The following PLD5 variants were observed in gnomAD, a reference collection of about 807,000 sequenced individuals.
PLD5 encodes inactive phospholipase D5.
PLD5 carries 36 observed loss-of-function variants against 61.1 expected under a neutral mutation model. That is an observed-to-expected ratio of 0.59 (90% CI 0.45 to 0.78). The LOEUF (loss-of-function observed/expected upper bound fraction) is 0.78. PLD5 is among the 30% of genes least tolerant of loss of function. The pLI is 0.00. For missense variants in PLD5, 515 were observed against 644.4 expected (o/e 0.80, Z 2.17); for synonymous variants, 243 against 242.8 (o/e 1.00, Z -0.01).
intron 1 of PLD5, among the ~76,000 whole-genome samples, chr1:242,503,261 G>A (rs1346857141): frequency 6.6e-6 from 1 of 152,106 alleles, no homozygotes; most frequent in African/African-American, 2.4e-5. Context: ...CACTGGTGAT[G>A]AGTGAGATCA....
intron 4 of PLD5, among the ~76,000 whole-genome samples, chr1:242,260,951 A>T (rs530204999): frequency 6.6e-6 from 1 of 152,250 alleles, no homozygotes; most frequent in Non-Finnish European, 1.5e-5. Context: ...AAAAGATTCA[A>T]TATTGTCCAT....
At chr1:242,505,452 G>T (rs1668689960) in intron 1 of PLD5, among the ~76,000 whole-genome samples, 1 of 152,110 alleles carries the variant, frequency 6.6e-6, no homozygotes, top group Non-Finnish European at 1.5e-5. Flanking sequence ...ATTCACAATA[G>T]CCAAGTTCTG....
intron 9 of PLD5, among the ~76,000 whole-genome samples, chr1:242,095,160 CTCCTGACCTTGTGA>C (rs1372624800): frequency 1.3e-5 from 2 of 151,894 alleles, no homozygotes; most frequent in Non-Finnish European, 2.9e-5. Context: ...TGGTCTCTAT[CTCCTGACCTTGTGA>C]TCCACCCACC....
intron 1 of PLD5, among the ~76,000 whole-genome samples, chr1:242,476,835 A>G (rs1667611133): frequency 1.3e-5 from 2 of 152,294 alleles, no homozygotes; most frequent in South Asian, 4.1e-4. Context: ...ACACTTGTCC[A>G]CTACTGCAGT....
At chr1:242,391,127 G>A (rs1239030490) in intron 1 of PLD5, among the ~76,000 whole-genome samples, 2 of 152,120 alleles carry the variant, frequency 1.3e-5, no homozygotes, top group South Asian at 2.1e-4. Flanking sequence ...CCCGGGAGGC[G>A]GAGCTTGCAG....
At chr1:242,521,571 C>A (rs1326466487) in intron 1 of PLD5, among the ~76,000 whole-genome samples, 1 of 108,002 alleles carries the variant, frequency 9.3e-6, no homozygotes, top group Non-Finnish European at 2.2e-5. Context: ...TTTAAAGCAC[C>A]AGCAAAATAA....
intron 1 of PLD5, among the ~76,000 whole-genome samples, chr1:242,428,599 G>A (rs537300771): frequency 6.6e-6 from 1 of 152,064 alleles, no homozygotes; most frequent in Non-Finnish European, 1.5e-5. Flanking sequence ...CCAGCTGCAG[G>A]TTATCTATTC....
chr1:242,217,844 T>C (rs1363973150), intron 5 of PLD5, among the ~76,000 whole-genome samples: 3 of 152,158 alleles, frequency 2.0e-5, no homozygotes, highest in East Asian at 1.9e-4. Flanking sequence ...AAAACTTGAA[T>C]GTATGAGGAG....
chr1:242,122,298 CTCTT>C (rs1189905402), intron 6 of PLD5, among the ~76,000 whole-genome samples: 2 of 152,108 alleles, frequency 1.3e-5, no homozygotes, highest in Non-Finnish European at 2.9e-5. Flanking sequence ...AAAAAACTGA[CTCTT>C]TCCCTGTTTA....
At position 242,377,101 on chromosome 1, in the gene PLD5, C is replaced by A; in HGVS notation, c.190-28859G>T. The stretch of plus-strand genomic sequence containing the variant: ...CTGGGTTTGTTCTCCTGTTGGTTAT[C>A]TTCCCCAGCCCCATTTTGCTTGGAC... On this transcript the variant is annotated intron_variant, in intron 1 of 9. Transcript: ENST00000536534. 4.3e-6 allele frequency: 7 copies of A among 1,611,754 alleles called. No homozygotes were observed. The South Asian group carries it at 7.7e-5, about 18-fold the overall frequency.
At chr1:242,377,511 G>A (rs1288629469) in intron 1 of PLD5, 1 of 622,426 alleles carries the variant, frequency 1.6e-6, no homozygotes, top group East Asian at 2.7e-5. Flanking sequence ...AAAAGCCTCT[G>A]AGGTTGGACG....
At chr1:242,496,517 G>T (rs1194308041) in intron 1 of PLD5, among the ~76,000 whole-genome samples, 4 of 152,130 alleles carry the variant, frequency 2.6e-5, no homozygotes, top group African/African-American at 9.7e-5. Context: ...AGCATTTCTG[G>T]ATAGATTCAC....
intron 5 of PLD5, among the ~76,000 whole-genome samples, chr1:242,188,030 A>C (rs1351394023): frequency 6.6e-6 from 1 of 151,962 alleles, no homozygotes; most frequent in Non-Finnish European, 1.5e-5. Flanking sequence ...CATGATTAAC[A>C]AGGAGGGACT....
chr1:242,163,142 C>A (rs376791761), intron 5 of PLD5, among the ~76,000 whole-genome samples: 22,674 of 131,126 alleles, frequency 0.17, 2,096 homozygotes, highest in Non-Finnish European at 0.22. Context: ...ATTTTCTTTT[C>A]TTTTCTTTCT....
intron 2 of PLD5, among the ~76,000 whole-genome samples, chr1:242,338,928 TATTAAC>T: frequency 6.6e-6 from 1 of 152,332 alleles, no homozygotes; most frequent in African/African-American, 2.4e-5. Context: ...TTCCAGTTAT[TATTAAC>T]AGTTTATTCA....
chr1:242,254,511 A>T (rs113699175), intron 4 of PLD5, among the ~76,000 whole-genome samples: 1 of 152,172 alleles, frequency 6.6e-6, no homozygotes, highest in African/African-American at 2.4e-5. Context: ...CTCTACCAAA[A>T]ATACAAAAAT....
Position 242,196,651 on chromosome 1 carries a change from ACT to A in PLD5, c.735+23335_735+23336del, listed in dbSNP as rs142710794. Among the ~76,000 whole-genome samples the A allele has an allele frequency of 3.3e-3, 510 of 152,276 alleles. 20 individuals carry two copies. The East Asian group carries it at 0.061, about 18-fold the overall frequency. ...ACAATATATTGATTACAATTAAGTGACTCTTCAAATATAGCTATATTTAAATA... is the reference window on the plus strand; with the variant it reads ...ACAATATATTGATTACAATTAAGTGACTTCAAATATAGCTATATTTAAATA... On this transcript the variant is annotated intron_variant, in intron 5 of 9. Transcript: ENST00000536534.
At chr1:242,404,713 C>G (rs1664128113) in intron 1 of PLD5, among the ~76,000 whole-genome samples, 1 of 87,488 alleles carries the variant, frequency 1.1e-5, no homozygotes, top group African/African-American at 6.4e-5. Flanking sequence ...TGGAATCTTT[C>G]CTTTTACTCA....
At chr1:242,160,523 A>G (rs767185451) in intron 5 of PLD5, among the ~76,000 whole-genome samples, 1 of 152,150 alleles carries the variant, frequency 6.6e-6, no homozygotes, top group Non-Finnish European at 1.5e-5. Flanking sequence ...ATAAATGACA[A>G]TATGTCCATG....
Sources: gnomAD v4.1 joint callset for allele counts (sites outside exome capture counted in the v4.1 genomes callset) on GRCh38, gnomAD v4.1.1 for gene constraint, MANE v1.5 for transcripts, NCBI Gene and HGNC (gene_info 2026-07-23, HGNC 2026-07-21) for gene names.